The following CERS6 variants were observed in gnomAD, a reference collection of about 807,000 sequenced individuals.
CERS6 encodes the protein LAG1 homolog, ceramide synthase 6.
A neutral mutation model predicts 56.8 loss-of-function variants in CERS6; 26 were observed. The observed-to-expected ratio is 0.46, with a 90% CI of 0.34 to 0.63. CERS6 has a LOEUF of 0.63. CERS6 is among the 30% of genes least tolerant of loss of function. The probability of loss-of-function intolerance (pLI) is 0.01; values close to 1 mark genes in which losing one functional copy is unlikely to be tolerated. For synonymous variants in CERS6, 164 were observed against 173.3 expected, an observed-to-expected ratio of 0.95 and a Z score of 0.42; for missense variants, 415 against 467.5, an observed-to-expected ratio of 0.89 and a Z score of 1.04.
intron 1 of CERS6, among the ~76,000 whole-genome samples, chr2:168,526,745 G>A (rs1478876039): frequency 1.3e-5 from 2 of 152,252 alleles, no homozygotes; most frequent in African/African-American, 2.4e-5. Flanking sequence ...GAATGCAGAT[G>A]TTTCCACACC....
At chr2:168,558,426 A>G (rs934133126) in intron 2 of CERS6, among the ~76,000 whole-genome samples, 3 of 152,254 alleles carry the variant, frequency 2.0e-5, no homozygotes, top group African/African-American at 7.2e-5. Context: ...GGTGTTCTAT[A>G]TATAGTGAAA....
chr2:168,627,254 T>C (rs1331758531), intron 3 of CERS6, among the ~76,000 whole-genome samples: 1 of 152,208 alleles, frequency 6.6e-6, no homozygotes, highest in Non-Finnish European at 1.5e-5. Flanking sequence ...AGCATTTAAT[T>C]TGGCAATGAA....
chr2:168,708,164 AT>A (rs1559061472), intron 6 of CERS6, among the ~76,000 whole-genome samples: 1 of 152,100 alleles, frequency 6.6e-6, no homozygotes, highest in African/African-American at 2.4e-5. Context: ...AAAGCTGCTT[AT>A]GATTATTCTT....
intron 4 of CERS6, among the ~76,000 whole-genome samples, chr2:168,681,242 T>C (rs1686207510): frequency 6.6e-6 from 1 of 152,208 alleles, no homozygotes; most frequent in Non-Finnish European, 1.5e-5. Context: ...CAAGGTTTTA[T>C]TCTCTGTTAT....
intron 1 of CERS6, among the ~76,000 whole-genome samples, chr2:168,489,738 T>C (rs897733065): frequency 1.3e-5 from 2 of 152,134 alleles, no homozygotes; most frequent in South Asian, 4.1e-4. Context: ...TTTTAATTTT[T>C]CTGTTGAGAA....
intron 8 of CERS6, among the ~76,000 whole-genome samples, chr2:168,733,543 A>G (rs1399313011): frequency 6.6e-6 from 1 of 152,202 alleles, no homozygotes; most frequent in Non-Finnish European, 1.5e-5. Flanking sequence ...ATGCACTTTT[A>G]TTGGAGAAAA....
At chr2:168,662,127 C>CTTTTTT (rs71397658) in intron 4 of CERS6, among the ~76,000 whole-genome samples, 2,649 of 136,682 alleles carry the variant, frequency 0.019, 91 homozygotes, top group African/African-American at 0.061. Context: ...AAGGCTGTCT[C>CTTTTTT]TTTTTTTTTT....
intron 3 of CERS6, among the ~76,000 whole-genome samples, chr2:168,625,370 T>C (rs879256785): frequency 3.9e-5 from 6 of 152,204 alleles, no homozygotes; most frequent in Non-Finnish European, 8.8e-5. Context: ...CTCTCCCCTT[T>C]TTTGTTCATA....
At chr2:168,765,520 T>C (rs1684706501) in intron 8 of CERS6, 72 bp from the exon 9 acceptor site, 1 of 1,501,018 alleles carries the variant, frequency 6.7e-7, no homozygotes, top group Non-Finnish European at 9.1e-7. Context: ...TGTGCTTTAA[T>C]GCAGTGACTA....
At chr2:168,484,121 T>C (rs1314329047) in intron 1 of CERS6, among the ~76,000 whole-genome samples, 1 of 151,616 alleles carries the variant, frequency 6.6e-6, no homozygotes, top group Non-Finnish European at 1.5e-5. Flanking sequence ...ACAAAAATGC[T>C]GTTGTTTTTA....
chr2:168,639,627 G>T (rs1248761757), intron 4 of CERS6, among the ~76,000 whole-genome samples: 1 of 152,098 alleles, frequency 6.6e-6, no homozygotes, highest in Non-Finnish European at 1.5e-5. Context: ...TGTGAAGCCA[G>T]TGTTCTTTCC....
intron 2 of CERS6, among the ~76,000 whole-genome samples, chr2:168,552,902 A>G (rs1489714056): frequency 2.0e-5 from 3 of 152,228 alleles, no homozygotes; most frequent in African/African-American, 4.8e-5. Context: ...AATTTTCACT[A>G]GAATAATGAG....
chr2:168,743,718 A>G (rs1683998566), intron 8 of CERS6, among the ~76,000 whole-genome samples: 1 of 152,192 alleles, frequency 6.6e-6, no homozygotes, highest in Admixed American at 6.5e-5. Context: ...TCTGTAATCA[A>G]CATTGCTCTC....
Position 168,626,387 on chromosome 2 carries a change from TC to T in CERS6, c.408-4595del, listed in dbSNP as rs1478349472. On this transcript the variant is annotated intron_variant, in intron 3 of 9. Coordinates refer to ENST00000305747, the MANE Select transcript of CERS6 (RefSeq NM_203463.3). Reference sequence around the variant, plus strand: ...CTTCTGCTGCCTCTGTAGTTTACAATCCCTTGCCTTTTGGGTGACACCTGGC... The same window carrying T: ...CTTCTGCTGCCTCTGTAGTTTACAATCCTTGCCTTTTGGGTGACACCTGGC... 3.3e-5 allele frequency among the ~76,000 whole-genome samples: 5 copies of T among 152,106 alleles called. No individual in the cohort carries two copies. In the East Asian group the frequency reaches 9.7e-4, roughly 29 times the overall value.
intron 1 of CERS6, among the ~76,000 whole-genome samples, chr2:168,504,620 C>T (rs1901837): frequency 3.3e-5 from 5 of 152,008 alleles, no homozygotes; most frequent in African/African-American, 1.2e-4. Flanking sequence ...CAAGTGTCAA[C>T]AGGTGTGTTA....
Position 168,477,304 on chromosome 2 carries a change from G to A in CERS6, c.170+20686G>A, listed in dbSNP as rs536399606. On this transcript the variant is annotated intron_variant, in intron 1 of 9. Coordinates refer to ENST00000305747, the MANE Select transcript of CERS6 (RefSeq NM_203463.3). The stretch of plus-strand genomic sequence containing the variant: ...CCCTACACCCTAGTTCCATCACACT[G>A]GGGTTGTAGGCCTCAACATGCAAGT... Among the ~76,000 whole-genome samples, 3 of 152,054 alleles carry A rather than the reference G, an allele frequency of 2.0e-5. No individual in the cohort carries two copies. In the South Asian group the frequency reaches 6.2e-4, roughly 32 times the overall value.
At chr2:168,617,834 T>A (rs528718399) in intron 3 of CERS6, among the ~76,000 whole-genome samples, 12 of 152,252 alleles carry the variant, frequency 7.9e-5, no homozygotes, top group African/African-American at 2.9e-4. Flanking sequence ...TCCTATTGAC[T>A]CTATTCCACA....
chr2:168,763,252 T>C (rs1684630452), intron 8 of CERS6, among the ~76,000 whole-genome samples: 1 of 146,848 alleles, frequency 6.8e-6, no homozygotes, highest in African/African-American at 2.5e-5. Flanking sequence ...TTTTTTTTTT[T>C]TTTTTTTGAG....
At chr2:168,653,543 T>C (rs1198335754) in intron 4 of CERS6, among the ~76,000 whole-genome samples, 1 of 152,264 alleles carries the variant, frequency 6.6e-6, no homozygotes, top group African/African-American at 2.4e-5. Flanking sequence ...TGGTGTGCTA[T>C]GTTTGTTTAA....
Sources: allele counts gnomAD v4.1 joint callset (sites outside exome capture counted in the v4.1 genomes callset), GRCh38; gene constraint gnomAD v4.1.1; transcripts MANE v1.5; gene names NCBI Gene and HGNC (gene_info 2026-07-23, HGNC 2026-07-21).